ETNK1: variants seen among roughly 807,000 people sequenced by gnomAD.
The protein encoded by ETNK1 is ethanolamine kinase 1.
In ETNK1, 8 loss-of-function variants were observed where a neutral mutation model predicts 45.1. The observed-to-expected ratio is 0.18, with a 90% CI of 0.10 to 0.32. The LOEUF is 0.32. Ranked by LOEUF, ETNK1 falls within the 10% of genes least tolerant of loss-of-function variation. ETNK1 has a pLI of 1.00. For missense variants in ETNK1, 302 were observed against 430.6 expected (o/e 0.70, Z 2.64); for synonymous variants, 152 against 151.9 (o/e 1.00, Z -0.01).
At chr12:22,659,712 C>G (rs1481806163) in intron 3 of ETNK1, among the ~76,000 whole-genome samples, 1 of 152,070 alleles carries the variant, frequency 6.6e-6, no homozygotes, top group African/African-American at 2.4e-5. Context: ...AGTGCCTGGT[C>G]ATCACTTAAG....
At chr12:22,663,232 G>C (rs1401293903) in intron 4 of ETNK1, among the ~76,000 whole-genome samples, 1 of 152,042 alleles carries the variant, frequency 6.6e-6, no homozygotes, top group African/African-American at 2.4e-5. Flanking sequence ...CATTAGTTAC[G>C]CATTAAAGCA....
intron 1 of ETNK1, chr12:22,638,959 G>A (rs1189946741): frequency 6.6e-6 from 1 of 152,008 alleles, no homozygotes; most frequent in Non-Finnish European, 1.5e-5. Context: ...AGAACACTGA[G>A]CAAAATTAGC....
chr12:22,688,415 C>T lies in ETNK1; in HGVS notation c.*3461C>T, dbSNP rs1475792597. ...TTCCAGATTTAAAGAAAAAAAGTTT[C>T]CCCCACTCTCAATTAAAAGTTAGAA... On this transcript the variant is annotated 3_prime_UTR_variant, in exon 8 of 8. Coordinates refer to ENST00000266517, the MANE Select transcript of ETNK1 (RefSeq NM_018638.5). 6.6e-6 allele frequency: 1 copy of T among 151,678 alleles called. No homozygotes were observed. The highest frequency in any genetic ancestry group is 1.5e-5 in the Non-Finnish European group (1 of 67,700). 9.4% of individuals were successfully genotyped at this position (151,678 alleles called of 1,614,324 possible).
chr12:22,630,712 G>C (rs1207421472), intron 1 of ETNK1, among the ~76,000 whole-genome samples: 1 of 152,084 alleles, frequency 6.6e-6, no homozygotes, highest in Admixed American at 6.5e-5. Context: ...CCAGGTTCAA[G>C]TGATTCTCGT....
chr12:22,668,302 TTAAA>T (rs1369298842), intron 4 of ETNK1, among the ~76,000 whole-genome samples: 1 of 152,228 alleles, frequency 6.6e-6, no homozygotes, highest in Non-Finnish European at 1.5e-5. Context: ...GGATATTCGT[TTAAA>T]TAAAGCGAAA....
At chr12:22,634,846 C>T (rs1953634177) in intron 1 of ETNK1, among the ~76,000 whole-genome samples, 1 of 152,180 alleles carries the variant, frequency 6.6e-6, no homozygotes, top group African/African-American at 2.4e-5. Flanking sequence ...TAAGCCATCA[C>T]ATCTGGCCCA....
chr12:22,684,378 A>G (rs1465333725), intron 6 of ETNK1, 105 bp from the exon 7 acceptor site: 9 of 739,192 alleles, frequency 1.2e-5, no homozygotes, highest in Admixed American at 2.6e-5. Context: ...ACAGCAAGAA[A>G]GTGTGGTGCA....
At chr12:22,636,033 G>T (rs1049427642) in intron 1 of ETNK1, among the ~76,000 whole-genome samples, 3 of 152,106 alleles carry the variant, frequency 2.0e-5, no homozygotes, top group Non-Finnish European at 4.4e-5. Context: ...TAGTGGTGAT[G>T]CATGCCTTAG....
At chr12:22,632,616 C>G (rs530556617) in intron 1 of ETNK1, among the ~76,000 whole-genome samples, 2 of 152,026 alleles carry the variant, frequency 1.3e-5, no homozygotes, top group East Asian at 1.9e-4. Context: ...CTCACGCGAT[C>G]CCTTCTACAT....
chr12:22,682,399 T>C (rs561135350), intron 6 of ETNK1: 34 of 328,240 alleles, frequency 1.0e-4, no homozygotes, highest in South Asian at 7.7e-4. Context: ...CTGATAACTC[T>C]AGTTTGATAA....
At chr12:22,679,136 G>A (rs559115060) in intron 6 of ETNK1, among the ~76,000 whole-genome samples, 30 of 152,318 alleles carry the variant, frequency 2.0e-4, no homozygotes, top group African/African-American at 7.0e-4. Context: ...ACAGTAGGCC[G>A]TCTGCACGCT....
chr12:22,677,267 A>AT (rs1430770097), intron 6 of ETNK1, among the ~76,000 whole-genome samples: 4 of 152,150 alleles, frequency 2.6e-5, no homozygotes, highest in Non-Finnish European at 5.9e-5. Context: ...TAAAGAGGGA[A>AT]TTTTTTCCCC....
chr12:22,665,923 A>G (rs1954049192), intron 4 of ETNK1, among the ~76,000 whole-genome samples: 1 of 152,170 alleles, frequency 6.6e-6, no homozygotes, highest in Non-Finnish European at 1.5e-5. Flanking sequence ...TCTTAACTAT[A>G]ACTTGAGAGA....
chr12:22,649,614 A>T (rs1953849900), intron 2 of ETNK1, among the ~76,000 whole-genome samples: 1 of 152,044 alleles, frequency 6.6e-6, no homozygotes, highest in African/African-American at 2.4e-5. Context: ...TAATTGCTAT[A>T]GCTTTATGGT....
intron 2 of ETNK1, among the ~76,000 whole-genome samples, chr12:22,646,284 G>A (rs763018830): frequency 2.9e-4 from 44 of 151,892 alleles, no homozygotes; most frequent in East Asian, 5.8e-4. Flanking sequence ...TTAACAAAAC[G>A]TCTGAGTTAC....
intron 1 of ETNK1, among the ~76,000 whole-genome samples, chr12:22,638,177 A>G (rs978284536): frequency 3.9e-5 from 6 of 152,116 alleles, no homozygotes; most frequent in African/African-American, 1.4e-4. Context: ...ATACATGGCC[A>G]CATAATCTGT....
chr12:22,658,893 C>A, intron 2 of ETNK1, 121 bp from the exon 3 acceptor site: 1 of 976,674 alleles, frequency 1.0e-6, no homozygotes, highest in Non-Finnish European at 1.5e-6. Flanking sequence ...CAAGAGAGAG[C>A]ACAGGTAGGT....
chr12:22,684,600 G>T, intron 7 of ETNK1, 44 bp downstream of exon 7: 1 of 1,280,586 alleles, frequency 7.8e-7, no homozygotes. Flanking sequence ...CTCTGCTTTT[G>T]TTTGGATTAA....
At chr12:22,660,489 C>T (rs1953988802) in intron 3 of ETNK1, among the ~76,000 whole-genome samples, 2 of 152,284 alleles carry the variant, frequency 1.3e-5, no homozygotes, top group East Asian at 3.9e-4. Context: ...CACAGTCTCA[C>T]TACTCTGTGG....
Sources: allele counts gnomAD v4.1 joint callset (sites outside exome capture counted in the v4.1 genomes callset), GRCh38; gene constraint gnomAD v4.1.1; transcripts MANE v1.5; gene names NCBI Gene and HGNC (gene_info 2026-07-23, HGNC 2026-07-21).